The following PTPRT variants were observed in gnomAD, a reference collection of about 807,000 sequenced individuals.
The protein encoded by PTPRT is receptor-type tyrosine-protein phosphatase T.
A neutral mutation model predicts 176.8 loss-of-function variants in PTPRT; 56 were observed. The ratio of observed to expected loss-of-function variants is 0.32; its 90% CI spans 0.26 to 0.40. The LOEUF (loss-of-function observed/expected upper bound fraction) is 0.40. Ranked by LOEUF, PTPRT falls within the 10% of genes least tolerant of loss-of-function variation. PTPRT has a pLI of 1.00. For missense variants in PTPRT, 1,540 were observed against 1,908.2 expected (o/e 0.81, Z 3.60); for synonymous variants, 783 against 739.0 (o/e 1.06, Z -0.96).
intron 13 of PTPRT, among the ~76,000 whole-genome samples, chr20:42,254,255 T>A (rs2056598476): frequency 6.6e-6 from 1 of 152,124 alleles, no homozygotes; most frequent in Non-Finnish European, 1.5e-5. Context: ...AACAGGGACC[T>A]CCAGAGTGAA....
At chr20:42,409,095 T>C (rs2058988143) in intron 9 of PTPRT, among the ~76,000 whole-genome samples, 1 of 152,226 alleles carries the variant, frequency 6.6e-6, no homozygotes. Context: ...TTACCACTGA[T>C]AGATCTATTA....
intron 2 of PTPRT, among the ~76,000 whole-genome samples, chr20:42,851,464 C>T (rs2145760946): frequency 6.6e-6 from 1 of 152,256 alleles, no homozygotes; most frequent in Middle Eastern, 3.4e-3. Flanking sequence ...CCATTATAGG[C>T]ATCTATAATT....
intron 1 of PTPRT, among the ~76,000 whole-genome samples, chr20:42,993,499 T>C (rs368247710): frequency 1.3e-5 from 1 of 79,096 alleles, no homozygotes; most frequent in Admixed American, 1.2e-4. Flanking sequence ...TGTATATATA[T>C]ACACATATAT....
intron 26 of PTPRT, among the ~76,000 whole-genome samples, 175 bp from the exon 27 acceptor site, chr20:42,098,727 T>C (rs997434948): frequency 6.6e-6 from 1 of 152,252 alleles, no homozygotes; most frequent in Non-Finnish European, 1.5e-5. Context: ...CTTCTCATAA[T>C]GAACACAATC....
intron 1 of PTPRT, among the ~76,000 whole-genome samples, chr20:43,162,592 C>A (rs2014728023): frequency 6.6e-6 from 1 of 152,230 alleles, no homozygotes; most frequent in Admixed American, 6.5e-5. Flanking sequence ...CATAACATCA[C>A]CTCTTTGAAG....
chr20:42,046,378 C>T, the PTPRT span, among the ~76,000 whole-genome samples: 4 of 152,246 alleles, frequency 2.6e-5, no homozygotes, highest in East Asian at 1.9e-4. Context: ...CAATGCTTAT[C>T]TCTGCCAGGA....
At chr20:42,742,005 G>A (rs998100836) in intron 6 of PTPRT, among the ~76,000 whole-genome samples, 2 of 152,170 alleles carry the variant, frequency 1.3e-5, no homozygotes, top group Non-Finnish European at 2.9e-5. Context: ...CCTAACTTGG[G>A]ACAAACATTG....
intron 7 of PTPRT, among the ~76,000 whole-genome samples, chr20:42,623,741 C>G (rs2074241047): frequency 6.6e-6 from 1 of 152,078 alleles, no homozygotes; most frequent in Admixed American, 6.5e-5. Flanking sequence ...AACTCCATAC[C>G]CATACTTCAG....
At chr20:43,006,347 T>C (rs919594873) in intron 1 of PTPRT, among the ~76,000 whole-genome samples, 1 of 152,224 alleles carries the variant, frequency 6.6e-6, no homozygotes, top group African/African-American at 2.4e-5. Context: ...TGAGATTCTA[T>C]CAACATGTGA....
At chr20:42,902,921 A>G (rs2079424828) in intron 1 of PTPRT, among the ~76,000 whole-genome samples, 2 of 152,242 alleles carry the variant, frequency 1.3e-5, no homozygotes, top group South Asian at 2.1e-4. Context: ...TGTCTGGTGT[A>G]TGCTAGACAT....
intron 1 of PTPRT, among the ~76,000 whole-genome samples, chr20:42,919,138 G>A (rs1978982650): frequency 1.3e-5 from 2 of 152,170 alleles, no homozygotes; most frequent in African/African-American, 4.8e-5. Flanking sequence ...GTAGGCACCA[G>A]GGACACCCAT....
At chr20:42,871,164 T>C (rs544738228) in intron 2 of PTPRT, among the ~76,000 whole-genome samples, 1 of 151,936 alleles carries the variant, frequency 6.6e-6, no homozygotes, top group East Asian at 1.9e-4. Flanking sequence ...GTTGGCCAGG[T>C]TGGTCTTGAA....
At position 42,604,820 on chromosome 20, in the gene PTPRT, T is replaced by TGCACTGGCATGGCTC. The variant is rs1680803211; in HGVS notation, c.1153+73031_1153+73045dup. Among the ~76,000 whole-genome samples, 5 of 152,204 alleles carry TGCACTGGCATGGCTC rather than the reference T, an allele frequency of 3.3e-5. No homozygotes were observed. In the South Asian group the frequency reaches 1.0e-3, roughly 32 times the overall value. On this transcript the variant is annotated intron_variant, in intron 7 of 30. Transcript: ENST00000373187. ...GTACCATACTTTGCCTGGCATGGCC[T>TGCACTGGCATGGCTC]GCACTGGCATGGCTCATGAAACATG...
At chr20:42,104,069 C>T (rs563327865) in intron 25 of PTPRT, among the ~76,000 whole-genome samples, 2 of 152,310 alleles carry the variant, frequency 1.3e-5, no homozygotes, top group East Asian at 1.9e-4. Context: ...AAATCCATGT[C>T]GTAATCTTAG....
chr20:42,633,818 T>TATATATATATATAA lies in PTPRT; in HGVS notation c.1153+44047_1153+44048insTTATATATATATAT, dbSNP rs1491342115. On this transcript the variant is annotated intron_variant, in intron 7 of 30. Transcript: ENST00000373187. ...ATATATATATATATATATATATATA[T>TATATATATATATAA]AATAAAATATTAATATATTATAATA... 4.3e-3 allele frequency among the ~76,000 whole-genome samples: 245 copies of TATATATATATATAA among 57,604 alleles called. 6 individuals are homozygous for TATATATATATATAA. Among genetic ancestry groups the TATATATATATATAA allele is most frequent in the African/African-American group, 0.019 (234 of 12,210 alleles). The allele number at this position is 57,604 out of a possible 152,430, so 37.8% of individuals were successfully genotyped here. A position where few individuals can be genotyped will look rare whatever the true frequency, so the allele number is the denominator to read the frequency against.
chr20:42,776,726 T>A (rs113725603), intron 4 of PTPRT, among the ~76,000 whole-genome samples: 1 of 148,600 alleles, frequency 6.7e-6, no homozygotes, highest in African/African-American at 2.5e-5. Flanking sequence ...GCATATCATA[T>A]AATTATATAT....
At chr20:42,326,440 C>G (rs1005028794) in intron 11 of PTPRT, among the ~76,000 whole-genome samples, 2 of 152,044 alleles carry the variant, frequency 1.3e-5, no homozygotes, top group African/African-American at 4.8e-5. Flanking sequence ...TATATTGAAG[C>G]AAATCAACTG....
intron 7 of PTPRT, among the ~76,000 whole-genome samples, chr20:42,549,372 C>T (rs963085844): frequency 2.0e-5 from 3 of 151,868 alleles, no homozygotes; most frequent in Non-Finnish European, 2.9e-5. Context: ...CTCAGATTAA[C>T]AAAGTAAATT....
intron 7 of PTPRT, among the ~76,000 whole-genome samples, chr20:42,649,195 G>C (rs982420372): frequency 2.0e-5 from 3 of 152,196 alleles, no homozygotes; most frequent in Admixed American, 6.5e-5. Flanking sequence ...GCAAGGAGGA[G>C]CAAGTTACAT....
Sources: allele counts gnomAD v4.1 joint callset (sites outside exome capture counted in the v4.1 genomes callset), GRCh38; gene constraint gnomAD v4.1.1; transcripts MANE v1.5; gene names NCBI Gene and HGNC (gene_info 2026-07-23, HGNC 2026-07-21).